Variants in MLLT1 observed in about 807,000 individuals in gnomAD.
MLLT1 encodes the protein protein ENL.
Under a neutral mutation model 55.1 loss-of-function variants are expected in MLLT1, and 11 were observed. The ratio of observed to expected loss-of-function variants is 0.20; its 90% CI spans 0.13 to 0.33. The LOEUF (loss-of-function observed/expected upper bound fraction) is 0.33. MLLT1 is among the 10% of genes least tolerant of loss of function. The probability of loss-of-function intolerance (pLI) is 1.00; values close to 1 mark genes in which losing one functional copy is unlikely to be tolerated. For synonymous variants in MLLT1, 323 were observed against 320.1 expected (o/e 1.01, Z -0.10); for missense variants, 536 against 760.6 (o/e 0.70, Z 3.47).
chr19:6,244,364 TAA>T (rs200383302), intron 3 of MLLT1, among the ~76,000 whole-genome samples: 3 of 139,844 alleles, frequency 2.1e-5, no homozygotes. Flanking sequence ...AAACGAACAT[TAA>T]AAAAAAAAAA....
Position 6,256,171 on chromosome 19 carries a change from C to T in MLLT1, c.276+6057G>A, listed in dbSNP as rs369823977. 4.0e-5 allele frequency among the ~76,000 whole-genome samples: 6 copies of T among 151,570 alleles called. No individual in the cohort carries two copies. The highest frequency in any genetic ancestry group is 1.2e-4 in the African/African-American group (5 of 41,170). On this transcript the variant is annotated intron_variant, in intron 3 of 11. Coordinates refer to ENST00000252674, the MANE Select transcript of MLLT1 (RefSeq NM_005934.4). The surrounding 1 kb of genome is among the most constrained non-coding windows in gnomAD (Gnocchi z 4.1). ...GGCAGAGGTTGCGATGAGCCAGGATCGTGCCACTGCACTCCAGCCTGGACA... is the reference window on the plus strand; with the variant it reads ...GGCAGAGGTTGCGATGAGCCAGGATTGTGCCACTGCACTCCAGCCTGGACA...
intron 3 of MLLT1, among the ~76,000 whole-genome samples, chr19:6,234,207 G>A (rs1209319930): frequency 3.9e-5 from 6 of 152,248 alleles, no homozygotes; most frequent in Admixed American, 6.5e-5. Context: ...ATGGACTGCG[G>A]TGTCCTCGCG....
At chr19:6,254,076 G>A (rs191391428) in intron 3 of MLLT1, among the ~76,000 whole-genome samples, 1 of 152,310 alleles carries the variant, frequency 6.6e-6, no homozygotes, top group East Asian at 1.9e-4. Context: ...ATGGGGGCTG[G>A]TTGCCAGGGG....
intron 3 of MLLT1, among the ~76,000 whole-genome samples, chr19:6,253,455 G>A (rs1201441381): frequency 1.3e-5 from 2 of 151,920 alleles, no homozygotes; most frequent in South Asian, 2.1e-4. Context: ...TAGAAGAGGA[G>A]GGAATACCTC....
intron 3 of MLLT1, among the ~76,000 whole-genome samples, chr19:6,244,277 G>A (rs1263320717): frequency 6.6e-6 from 1 of 151,576 alleles, no homozygotes; most frequent in East Asian, 1.9e-4. Flanking sequence ...CCTAGACTTG[G>A]TAAATATCTG....
chr19:6,216,616 G>A, intron 7 of MLLT1, 103 bp from the exon 8 acceptor site: 1 of 792,068 alleles, frequency 1.3e-6, no homozygotes, highest in South Asian at 1.7e-5. Context: ...TGACACTGGT[G>A]ACCCCCAAAT....
Position 6,240,860 on chromosome 19 carries a change from A to G in MLLT1, c.277-10147T>C, listed in dbSNP as rs978775221. Among the ~76,000 whole-genome samples the G allele has an allele frequency of 3.9e-5, 6 of 152,170 alleles. No individual in the cohort carries two copies. The highest frequency in any genetic ancestry group is 3.9e-4 in the Admixed American group (6 of 15,284). ...TGAGCAATTAGAAACCAAAAGGAGGAGGCAGAAATGCAGACACCACATTTT... is the reference window on the plus strand; with the variant it reads ...TGAGCAATTAGAAACCAAAAGGAGGGGGCAGAAATGCAGACACCACATTTT... On this transcript the variant is annotated intron_variant, in intron 3 of 11. Coordinates refer to ENST00000252674, the MANE Select transcript of MLLT1 (RefSeq NM_005934.4). The surrounding 1 kb of genome is among the most constrained non-coding windows in gnomAD (Gnocchi z 4.7).
chr19:6,277,838 GTTT>G (rs2091435198), intron 1 of MLLT1, among the ~76,000 whole-genome samples: 1 of 152,218 alleles, frequency 6.6e-6, no homozygotes. Flanking sequence ...TTTCATTTGG[GTTT>G]TTAACTCAAT....
chr19:6,248,398 C>T (rs1041487528), intron 3 of MLLT1, among the ~76,000 whole-genome samples: 1 of 152,206 alleles, frequency 6.6e-6, no homozygotes, highest in Admixed American at 6.5e-5. Flanking sequence ...ACTTAGTGAC[C>T]TGCTTCTTCT....
chr19:6,265,132 G>GA (rs1193889312), intron 2 of MLLT1, among the ~76,000 whole-genome samples: 17 of 145,572 alleles, frequency 1.2e-4, no homozygotes, highest in Non-Finnish European at 1.8e-4. Flanking sequence ...TGTTTCCACA[G>GA]AAAAAAACAG....
intron 7 of MLLT1, 134 bp from the exon 8 acceptor site, chr19:6,216,647 G>A (rs1336626934): frequency 3.2e-6 from 2 of 628,664 alleles, no homozygotes; most frequent in Non-Finnish European, 5.5e-6. Flanking sequence ...GTCCACCTGG[G>A]GGTCCCTGTG....
rs1446859442 is a variant in MLLT1, at chr19:6,212,908, C to T, written c.*134G>A. On this transcript the variant is annotated 3_prime_UTR_variant, in exon 12 of 12. Transcript: ENST00000252674. Reference sequence around the variant, plus strand: ...CAGGGAGCCGCCGAGGAAAGTGCAGCGGGCTGTGCGGGCGAGGACAGGGCT... The same window carrying T: ...CAGGGAGCCGCCGAGGAAAGTGCAGTGGGCTGTGCGGGCGAGGACAGGGCT... The T allele has an allele frequency of 1.3e-5, 15 of 1,177,006 alleles. No homozygotes were observed. The highest frequency in any genetic ancestry group is 4.6e-5 in the South Asian group (3 of 65,642). 72.9% of individuals were successfully genotyped at this position (1,177,006 alleles called of 1,614,324 possible). A position where few individuals can be genotyped will look rare whatever the true frequency, so the allele number is the denominator to read the frequency against.
At chr19:6,241,570 G>A (rs2091113087) in intron 3 of MLLT1, among the ~76,000 whole-genome samples, 1 of 152,246 alleles carries the variant, frequency 6.6e-6, no homozygotes, top group Middle Eastern at 3.2e-3. Flanking sequence ...CTGGGCCTCT[G>A]GGCCGTCCCA....
Position 6,230,443 on chromosome 19 carries a change from G to A in MLLT1, c.420+127C>T. The A allele has an allele frequency of 8.7e-7, 1 of 1,152,244 alleles. No homozygotes were observed. Among genetic ancestry groups the A allele is most frequent in the Non-Finnish European group, 1.2e-6 (1 of 827,070 alleles). The allele number at this position is 1,152,244 out of a possible 1,614,324, so 71.4% of individuals were successfully genotyped here. On this transcript the variant is annotated intron_variant, in intron 4 of 11. Coordinates refer to ENST00000252674, the MANE Select transcript of MLLT1 (RefSeq NM_005934.4). The surrounding 1 kb of genome is among the most constrained non-coding windows in gnomAD (Gnocchi z 9.0). Reference sequence around the variant, plus strand: ...CAGGTCCCCTCCAGCTCTGCTGGGTGCTGCCGTGTGACCTGCGCCTTGGGT... The same window carrying A: ...CAGGTCCCCTCCAGCTCTGCTGGGTACTGCCGTGTGACCTGCGCCTTGGGT...
Position 6,218,200 on chromosome 19 carries a change from C to T in MLLT1, c.1111-159G>A, listed in dbSNP as rs975977200. ...ACCCACGTGTGCCGCTGAGAACCCA[C>T]TAAGGAGCCAGCGGCCAGGCCATGC... On this transcript the variant is annotated intron_variant, in intron 6 of 11. Coordinates refer to ENST00000252674, the MANE Select transcript of MLLT1 (RefSeq NM_005934.4). 5.9e-5 allele frequency among the ~76,000 whole-genome samples: 9 copies of T among 152,232 alleles called. No homozygotes were observed. In the East Asian group the frequency reaches 1.7e-3, roughly 29 times the overall value.
At chr19:6,243,121 T>C (rs1255203918) in intron 3 of MLLT1, among the ~76,000 whole-genome samples, 1 of 152,124 alleles carries the variant, frequency 6.6e-6, no homozygotes, top group Non-Finnish European at 1.5e-5. Flanking sequence ...AAATCAACCA[T>C]GCTAAAGTCT....
chr19:6,273,559 A>G lies in MLLT1; in HGVS notation c.13-2800T>C, dbSNP rs776727050. Among the ~76,000 whole-genome samples, 1 of 152,150 alleles carries G rather than the reference A, an allele frequency of 6.6e-6. No homozygotes were observed. Among genetic ancestry groups the G allele is most frequent in the Non-Finnish European group, 1.5e-5 (1 of 68,028 alleles). ...GTCTGCCTGAACACCACCGCATTCC[A>G]ACAAACCCAAAACAACACTGACATT... On this transcript the variant is annotated intron_variant, in intron 1 of 11. Coordinates refer to ENST00000252674, the MANE Select transcript of MLLT1 (RefSeq NM_005934.4). The surrounding 1 kb of genome is among the most constrained non-coding windows in gnomAD (Gnocchi z 4.3).
chr19:6,221,623 G>A (rs559163556), intron 6 of MLLT1, among the ~76,000 whole-genome samples: 86 of 152,332 alleles, frequency 5.6e-4, no homozygotes, highest in Non-Finnish European at 8.4e-4. Context: ...ATAGGGAGCC[G>A]GGCACGGACC....
chr19:6,234,496 A>G (rs1439291882), intron 3 of MLLT1, among the ~76,000 whole-genome samples: 4 of 152,216 alleles, frequency 2.6e-5, no homozygotes, highest in Non-Finnish European at 5.9e-5. Flanking sequence ...CAGAAGTGAC[A>G]CCACTAGGTG....
Sources: allele counts gnomAD v4.1 joint callset (sites outside exome capture counted in the v4.1 genomes callset), GRCh38; gene constraint gnomAD v4.1.1; non-coding constraint Gnocchi (gnomAD v3.1); transcripts MANE v1.5; gene names NCBI Gene and HGNC (gene_info 2026-07-23, HGNC 2026-07-21).